The following PIBF1 variants were observed in gnomAD, a reference collection of about 807,000 sequenced individuals.
PIBF1 encodes the protein progesterone-induced-blocking factor 1.
PIBF1 carries 90 observed loss-of-function variants against 112.5 expected under a neutral mutation model. The ratio of observed to expected loss-of-function variants is 0.80; its 90% CI spans 0.67 to 0.95. PIBF1 has a LOEUF of 0.95. PIBF1 is among the 40% of genes least tolerant of loss of function. The pLI, the probability that PIBF1 is intolerant of heterozygous loss-of-function variation, is 0.00. For missense variants in PIBF1, 915 were observed against 852.3 expected, an observed-to-expected ratio of 1.07 and a Z score of -0.92; for synonymous variants, 301 against 288.6, an observed-to-expected ratio of 1.04 and a Z score of -0.44.
intron 16 of PIBF1, among the ~76,000 whole-genome samples, chr13:72,985,371 C>CAAAAAAAAAAAAAAAAAA (rs67195605): frequency 1.3e-5 from 1 of 76,278 alleles, no homozygotes; most frequent in Non-Finnish European, 2.3e-5. Flanking sequence ...ACTAAAAATA[C>CAAAAAAAAAAAAAAAAAA]AAAAAAAAAA....
rs533764204 is a variant in PIBF1, at chr13:72,831,461, T to C, written c.1097+3547T>C. Reference sequence around the variant, plus strand: ...ATGTGGCCCAGAGATTCTGGTATGTTGTGTCTTCATTCTCATTGGTTTCAA... The same window carrying C: ...ATGTGGCCCAGAGATTCTGGTATGTCGTGTCTTCATTCTCATTGGTTTCAA... On this transcript the variant is annotated intron_variant, in intron 8 of 17. Transcript: ENST00000326291. 2.0e-5 allele frequency among the ~76,000 whole-genome samples: 3 copies of C among 152,320 alleles called. No individual in the cohort carries two copies. The East Asian group carries it at 5.8e-4, about 29-fold the overall frequency.
At chr13:72,949,109 CAG>C (rs1045779639) in intron 14 of PIBF1, among the ~76,000 whole-genome samples, 1 of 152,032 alleles carries the variant, frequency 6.6e-6, no homozygotes, top group African/African-American at 2.4e-5. Context: ...AGAAGAAAAA[CAG>C]AGAACATACT....
chr13:72,881,251 C>A (rs1021068139), intron 10 of PIBF1: 2 of 151,940 alleles, frequency 1.3e-5, no homozygotes, highest in East Asian at 3.9e-4. Flanking sequence ...CCTAAAGACT[C>A]CACCAAAAAA....
intron 17 of PIBF1, among the ~76,000 whole-genome samples, chr13:73,012,758 C>CAATAATAATAAT (rs60685629): frequency 2.2e-4 from 32 of 147,576 alleles, no homozygotes; most frequent in Admixed American, 4.8e-4. Context: ...CTGTCTCCAC[C>CAATAATAATAAT]AATAATAATA....
At chr13:72,856,450 ATATTTGTGATAGT>A (rs2038426170) in intron 10 of PIBF1, among the ~76,000 whole-genome samples, 1 of 152,174 alleles carries the variant, frequency 6.6e-6, no homozygotes, top group Non-Finnish European at 1.5e-5. Flanking sequence ...CCAACCTTAA[ATATTTGTGATAGT>A]TTTAAAATCA....
chr13:72,792,447 A>T lies in PIBF1; in HGVS notation c.253A>T (p.Ile85Phe). ...DNLKVDYLTKIEELEEKLNDA... is the reference protein window; with the variant it reads ...DNLKVDYLTKFEELEEKLNDA... ...AATTTATCTTTTTCTCTTTACGAAGATTGAAGAATTGGAGGAGAAACTTAA... is the reference window on the plus strand; with the variant it reads ...AATTTATCTTTTTCTCTTTACGAAGTTTGAAGAATTGGAGGAGAAACTTAA... The change falls in exon 3 of 18, where the codon ATT (isoleucine) becomes TTT (phenylalanine). Residue 85 changes from isoleucine to phenylalanine, a missense_variant and splice_region_variant. Transcript: ENST00000326291. 1 of 1,516,378 alleles carries T rather than the reference A, an allele frequency of 6.6e-7. No homozygotes were observed. The allele number at this position is 1,516,378 out of a possible 1,614,324, so 93.9% of individuals were successfully genotyped here.
At chr13:72,839,071 A>G (rs80172025) in intron 9 of PIBF1, among the ~76,000 whole-genome samples, 2,279 of 152,314 alleles carry the variant, frequency 0.015, 62 homozygotes, top group African/African-American at 0.052. Context: ...AGAGGCATGA[A>G]TTGATCTGAT....
At chr13:72,893,367 T>C (rs2040136027) in intron 10 of PIBF1, among the ~76,000 whole-genome samples, 1 of 152,124 alleles carries the variant, frequency 6.6e-6, no homozygotes, top group African/African-American at 2.4e-5. Flanking sequence ...TAGTTTAATA[T>C]GCATATTTCA....
intron 14 of PIBF1, among the ~76,000 whole-genome samples, chr13:72,943,450 A>T (rs2042065533): frequency 6.6e-6 from 1 of 152,246 alleles, no homozygotes; most frequent in Non-Finnish European, 1.5e-5. Flanking sequence ...AAAATATCAC[A>T]TATACCCTAT....
In PIBF1 at chr13:72,782,280, C is replaced by T. The variant is rs576117417; in HGVS notation, c.-117C>T. ...AACCTTGTGCTTCCGACCGGAGACG[C>T]CTTTGGTCCCTCGGTGTCTGCACTG... On this transcript the variant is annotated 5_prime_UTR_variant, in exon 1 of 18. Coordinates refer to ENST00000326291, the MANE Select transcript of PIBF1 (RefSeq NM_006346.4). The T allele has an allele frequency of 7.4e-4, 120 of 162,120 alleles. 1 individual carries two copies. Among genetic ancestry groups the T allele is most frequent in the African/African-American group, 2.8e-3 (116 of 41,886 alleles). The allele number at this position is 162,120 out of a possible 1,614,324, so 10.0% of individuals were successfully genotyped here.
chr13:72,925,768 CT>C (rs1230959241), intron 13 of PIBF1, among the ~76,000 whole-genome samples: 1 of 152,022 alleles, frequency 6.6e-6, no homozygotes, highest in Non-Finnish European at 1.5e-5. Context: ...TCTCGAACTC[CT>C]GACCTCAAGT....
chr13:72,844,765 ACACACACAC>A (rs2037779077), intron 9 of PIBF1, among the ~76,000 whole-genome samples: 2 of 106,328 alleles, frequency 1.9e-5, no homozygotes, highest in South Asian at 3.3e-4. Flanking sequence ...ACACACACAC[ACACACACAC>A]ACACACACAC....
chr13:72,782,395 A>G (rs2034310590), intron 1 of PIBF1, 46 bp downstream of exon 1: 1 of 152,206 alleles, frequency 6.6e-6, no homozygotes, highest in Non-Finnish European at 1.5e-5. Context: ...GGGGCAAGGA[A>G]TCCCCCGAGC....
intron 13 of PIBF1, among the ~76,000 whole-genome samples, chr13:72,929,135 G>A (rs1008400684): frequency 1.3e-5 from 2 of 152,112 alleles, no homozygotes; most frequent in Admixed American, 6.6e-5. Context: ...ATAAAAAAAA[G>A]TTAACACCTA....
chr13:72,783,682 T>A lies in PIBF1; in HGVS notation c.213T>A (p.Thr71=). ...TAAAAATTGAGCTATCCCAGAAAACTATGATGATCGACAATTTGAAAGTGG... is the reference window on the plus strand; with the variant it reads ...TAAAAATTGAGCTATCCCAGAAAACAATGATGATCGACAATTTGAAAGTGG... ...QLLKIELSQK[T]MMIDNLKVDY... The change falls in exon 2 of 18, where the codon ACT becomes ACA. Residue 71 remains threonine, a synonymous_variant. Coordinates refer to ENST00000326291, the MANE Select transcript of PIBF1 (RefSeq NM_006346.4). 6.2e-7 allele frequency: 1 copy of A among 1,613,992 alleles called. No homozygotes were observed. Among genetic ancestry groups the A allele is most frequent in the Non-Finnish European group, 8.5e-7 (1 of 1,179,894 alleles).
At chr13:72,888,594 A>G (rs915463474) in intron 10 of PIBF1, among the ~76,000 whole-genome samples, 2 of 152,174 alleles carry the variant, frequency 1.3e-5, no homozygotes, top group Admixed American at 1.3e-4. Context: ...GAAACAATCT[A>G]AATGTTAATC....
At chr13:72,839,105 T>C (rs531649574) in intron 9 of PIBF1, among the ~76,000 whole-genome samples, 6 of 152,284 alleles carry the variant, frequency 3.9e-5, no homozygotes, top group African/African-American at 7.2e-5. Context: ...ATCACTGTAA[T>C]GTAGAGAATA....
At chr13:72,980,518 G>A (rs547001384) in intron 16 of PIBF1, among the ~76,000 whole-genome samples, 4 of 152,318 alleles carry the variant, frequency 2.6e-5, no homozygotes, top group East Asian at 1.9e-4. Context: ...CTAAAGGGCC[G>A]GCACGGTGGC....
intron 10 of PIBF1, among the ~76,000 whole-genome samples, chr13:72,854,932 T>A (rs1054887376): frequency 6.6e-6 from 1 of 152,182 alleles, no homozygotes; most frequent in Non-Finnish European, 1.5e-5. Flanking sequence ...TTTAATAGCC[T>A]TGTTAAAAGG....
Sources: gnomAD v4.1 joint callset for allele counts (sites outside exome capture counted in the v4.1 genomes callset) on GRCh38, gnomAD v4.1.1 for gene constraint, MANE v1.5 for transcripts, NCBI Gene and HGNC (gene_info 2026-07-23, HGNC 2026-07-21) for gene names.